The following DEPDC1B variants were observed in gnomAD, a reference collection of about 807,000 sequenced individuals.
The protein encoded by DEPDC1B is DEP domain containing 1B.
A neutral mutation model predicts 66.5 loss-of-function variants in DEPDC1B; 51 were observed. The observed-to-expected ratio is 0.77, with a 90% CI of 0.61 to 0.97. DEPDC1B has a LOEUF of 0.97. Among genes scored for constraint, DEPDC1B ranks in the 50% least tolerant of loss-of-function variants. The pLI, the probability that DEPDC1B is intolerant of heterozygous loss-of-function variation, is 0.00. For missense variants in DEPDC1B, 552 were observed against 637.1 expected (o/e 0.87, Z 1.44); for synonymous variants, 226 against 223.6 (o/e 1.01, Z -0.10).
intron 6 of DEPDC1B, among the ~76,000 whole-genome samples, chr5:60,642,608 A>C (rs1350897246): frequency 2.0e-5 from 3 of 152,186 alleles, no homozygotes; most frequent in Non-Finnish European, 4.4e-5. Context: ...AAGTAGAAGT[A>C]CTAAATCCCT....
chr5:60,642,607 T>A (rs1753214622), intron 6 of DEPDC1B, among the ~76,000 whole-genome samples: 1 of 152,176 alleles, frequency 6.6e-6, no homozygotes, highest in South Asian at 2.1e-4. Context: ...AAAGTAGAAG[T>A]ACTAAATCCC....
intron 2 of DEPDC1B, among the ~76,000 whole-genome samples, chr5:60,672,122 C>T (rs538783289): frequency 6.6e-6 from 1 of 152,288 alleles, no homozygotes; most frequent in South Asian, 2.1e-4. Context: ...GTTTGTTGAC[C>T]TGGGTCTGGT....
intron 2 of DEPDC1B, among the ~76,000 whole-genome samples, chr5:60,665,287 T>A (rs1012899079): frequency 1.3e-5 from 2 of 152,216 alleles, no homozygotes; most frequent in Non-Finnish European, 2.9e-5. Context: ...ATAGCACCCA[T>A]GATATGGCCA....
chr5:60,618,704 C>G (rs887900637), intron 7 of DEPDC1B, among the ~76,000 whole-genome samples: 4 of 152,246 alleles, frequency 2.6e-5, no homozygotes, highest in Admixed American at 6.5e-5. Context: ...AATTCTACCA[C>G]AGGTACAAGG....
intron 1 of DEPDC1B, among the ~76,000 whole-genome samples, chr5:60,690,108 T>C (rs570215018): frequency 1.3e-4 from 20 of 152,222 alleles, no homozygotes; most frequent in Non-Finnish European, 2.4e-4. Flanking sequence ...TGTTGAATTA[T>C]ATTTAATAAA....
intron 8 of DEPDC1B, among the ~76,000 whole-genome samples, chr5:60,603,882 A>G (rs1752257688): frequency 6.6e-6 from 1 of 150,858 alleles, no homozygotes; most frequent in African/African-American, 2.4e-5. Context: ...TATGAAAACA[A>G]ATTTTGAAAA....
At chr5:60,625,104 C>A (rs1282422945) in intron 7 of DEPDC1B, among the ~76,000 whole-genome samples, 1 of 152,058 alleles carries the variant, frequency 6.6e-6, no homozygotes, top group Non-Finnish European at 1.5e-5. Context: ...CATAGTATTC[C>A]CTGGTGTATA....
At chr5:60,646,029 A>G (rs1195239068) in intron 3 of DEPDC1B, among the ~76,000 whole-genome samples, 1 of 152,226 alleles carries the variant, frequency 6.6e-6, no homozygotes, top group Non-Finnish European at 1.5e-5. Context: ...AAAATGTATT[A>G]CTTTTGAGGA....
chr5:60,689,187 A>G (rs1040353208), intron 1 of DEPDC1B: 1 of 388,478 alleles, frequency 2.6e-6, no homozygotes, highest in Non-Finnish European at 5.2e-6. Context: ...ACAAGATGCC[A>G]CTAGGCGGCA....
At chr5:60,665,310 T>C (rs919483926) in intron 2 of DEPDC1B, among the ~76,000 whole-genome samples, 3 of 152,214 alleles carry the variant, frequency 2.0e-5, no homozygotes, top group Admixed American at 6.5e-5. Context: ...TCATTATTTA[T>C]TGGACCAGGC....
At chr5:60,618,709 A>T (rs1752628186) in intron 7 of DEPDC1B, among the ~76,000 whole-genome samples, 1 of 152,374 alleles carries the variant, frequency 6.6e-6, no homozygotes, top group African/African-American at 2.4e-5. Flanking sequence ...TACCACAGGT[A>T]CAAGGAGGAG....
At chr5:60,665,546 C>T (rs149201851) in intron 2 of DEPDC1B, among the ~76,000 whole-genome samples, 9 of 152,262 alleles carry the variant, frequency 5.9e-5, no homozygotes, top group Non-Finnish European at 1.2e-4. Flanking sequence ...GCCTGCTAGC[C>T]CATGCTCCGA....
intron 2 of DEPDC1B, among the ~76,000 whole-genome samples, chr5:60,682,654 A>G (rs1754322121): frequency 6.6e-6 from 1 of 152,192 alleles, no homozygotes; most frequent in Admixed American, 6.5e-5. Context: ...AACCTATTTA[A>G]TGAATAAATA....
chr5:60,683,555 T>A (rs1054168860), intron 2 of DEPDC1B, among the ~76,000 whole-genome samples: 3 of 151,990 alleles, frequency 2.0e-5, no homozygotes, highest in Non-Finnish European at 4.4e-5. Context: ...AAGCATTAGA[T>A]AAAATTCAAC....
At position 60,644,821 on chromosome 5, in the gene DEPDC1B, A is replaced by G; in HGVS notation, c.633T>C (p.Leu211=). ...TATGGATGATGAACTTCGAATTGAC[A>G]AGTTTGACGTCTAAAACTTCTTCTA... ...DSLEEVLDVK[L]VNSKFIIHNV... The change falls in exon 5 of 11, where the codon CTT becomes CTC. Residue 211 remains leucine, a synonymous_variant. Coordinates refer to ENST00000265036, the MANE Select transcript of DEPDC1B (RefSeq NM_018369.3). The G allele has an allele frequency of 1.2e-6, 2 of 1,611,646 alleles. No homozygotes were observed. Among genetic ancestry groups the G allele is most frequent in the South Asian group, 1.1e-5 (1 of 90,586 alleles).
intron 2 of DEPDC1B, among the ~76,000 whole-genome samples, chr5:60,661,413 G>A (rs922598859): frequency 5.3e-5 from 8 of 152,176 alleles, no homozygotes; most frequent in Admixed American, 4.6e-4. Context: ...TATGCTCGTC[G>A]GAAAAAGACT....
chr5:60,604,226 T>TTTTTTTTTTG (rs1752266218), intron 8 of DEPDC1B, among the ~76,000 whole-genome samples: 1 of 132,824 alleles, frequency 7.5e-6, no homozygotes, highest in Admixed American at 8.0e-5. Context: ...TTCTTTTTTT[T>TTTTTTTTTTG]TTTTTTTTTT....
At chr5:60,684,745 C>T (rs1055108075) in intron 2 of DEPDC1B, among the ~76,000 whole-genome samples, 3 of 152,090 alleles carry the variant, frequency 2.0e-5, no homozygotes, top group Non-Finnish European at 4.4e-5. Context: ...ACAAATGGAA[C>T]TATATCAAAC....
chr5:60,667,606 C>A (rs1427670054), intron 2 of DEPDC1B, among the ~76,000 whole-genome samples: 1 of 135,068 alleles, frequency 7.4e-6, no homozygotes, highest in African/African-American at 3.0e-5. Flanking sequence ...GGATATTTTA[C>A]ATATATATAA....
Sources: gnomAD v4.1 joint callset for allele counts (sites outside exome capture counted in the v4.1 genomes callset) on GRCh38, gnomAD v4.1.1 for gene constraint, MANE v1.5 for transcripts, NCBI Gene and HGNC (gene_info 2026-07-23, HGNC 2026-07-21) for gene names.